The following AK5 variants were observed in gnomAD, a reference collection of about 807,000 sequenced individuals.
AK5 encodes adenylate kinase isoenzyme 5.
AK5 carries 27 observed loss-of-function variants against 69.5 expected under a neutral mutation model. The observed-to-expected ratio is 0.39, with a 90% CI of 0.29 to 0.54. AK5 has a LOEUF of 0.54. AK5 is among the 20% of genes least tolerant of loss of function. The pLI is 0.71. For synonymous variants in AK5, 260 were observed against 244.4 expected, an observed-to-expected ratio of 1.06 and a Z score of -0.60; for missense variants, 531 against 700.4, an observed-to-expected ratio of 0.76 and a Z score of 2.73.
chr1:77,382,975 A>G (rs891487253), intron 6 of AK5, among the ~76,000 whole-genome samples: 7 of 152,226 alleles, frequency 4.6e-5, no homozygotes, highest in Admixed American at 3.3e-4. Flanking sequence ...AAATACAAAG[A>G]GAACAAATGA....
At chr1:77,512,194 C>T (rs143986728) in intron 10 of AK5, among the ~76,000 whole-genome samples, 205 of 152,192 alleles carry the variant, frequency 1.3e-3, no homozygotes, top group African/African-American at 4.8e-3. Context: ...AAACTAGATA[C>T]GTATATCTTC....
At chr1:77,434,117 T>C (rs1333889988) in intron 8 of AK5, among the ~76,000 whole-genome samples, 13 of 107,534 alleles carry the variant, frequency 1.2e-4, no homozygotes, top group East Asian at 4.2e-4. Flanking sequence ...CATAAATAAA[T>C]AAATAAATAA....
chr1:77,336,080 T>TA (rs1291802128), intron 5 of AK5, among the ~76,000 whole-genome samples: 3 of 112,202 alleles, frequency 2.7e-5, no homozygotes, highest in Non-Finnish European at 3.4e-5. Flanking sequence ...TACTATCTTA[T>TA]AACCCTTTTT....
intron 10 of AK5, among the ~76,000 whole-genome samples, chr1:77,509,951 C>T (rs1011661068): frequency 6.6e-6 from 1 of 152,194 alleles, no homozygotes; most frequent in African/African-American, 2.4e-5. Context: ...TTATTTTGTC[C>T]TCACAACCAA....
At chr1:77,318,842 T>C (rs1370441221) in intron 5 of AK5, among the ~76,000 whole-genome samples, 1 of 152,188 alleles carries the variant, frequency 6.6e-6, no homozygotes, top group Non-Finnish European at 1.5e-5. Context: ...ACAATATTTA[T>C]ATGATCCTTA....
At chr1:77,550,024 C>T (rs1659744843) in intron 13 of AK5, among the ~76,000 whole-genome samples, 1 of 151,978 alleles carries the variant, frequency 6.6e-6, no homozygotes, top group Non-Finnish European at 1.5e-5. Flanking sequence ...GCAGTAGCTC[C>T]ATCACAGCTC....
At chr1:77,493,370 T>A (rs1656113542) in intron 10 of AK5, among the ~76,000 whole-genome samples, 1 of 151,952 alleles carries the variant, frequency 6.6e-6, no homozygotes, top group Admixed American at 6.6e-5. Flanking sequence ...GACTGAACTA[T>A]ACTCCCCCAC....
rs1311120356 is a variant in AK5, at chr1:77,331,489, C to G, written c.700-8888C>G. 2.6e-5 allele frequency among the ~76,000 whole-genome samples: 4 copies of G among 152,052 alleles called. No homozygotes were observed. In the East Asian group the frequency reaches 7.7e-4, roughly 29 times the overall value. On this transcript the variant is annotated intron_variant, in intron 5 of 13. Coordinates refer to ENST00000354567, the MANE Select transcript of AK5 (RefSeq NM_174858.3). Reference sequence around the variant, plus strand: ...TTATTAAGATTATCAAATGATTTTCCCCTTTATTCTATTCATTTCATAAAC... The same window carrying G: ...TTATTAAGATTATCAAATGATTTTCGCCTTTATTCTATTCATTTCATAAAC...
intron 13 of AK5, among the ~76,000 whole-genome samples, chr1:77,538,794 C>A (rs1012570333): frequency 6.6e-6 from 1 of 152,200 alleles, no homozygotes; most frequent in African/African-American, 2.4e-5. Context: ...ATTATTCCAA[C>A]CTGAATTCTA....
At chr1:77,370,529 T>G (rs1360043915) in intron 6 of AK5, among the ~76,000 whole-genome samples, 1 of 152,094 alleles carries the variant, frequency 6.6e-6, no homozygotes, top group Non-Finnish European at 1.5e-5. Context: ...GAAAGGGGTT[T>G]AAAAACTTTA....
chr1:77,364,575 G>A (rs1056518092), intron 6 of AK5, among the ~76,000 whole-genome samples: 4 of 151,882 alleles, frequency 2.6e-5, no homozygotes, highest in African/African-American at 9.7e-5. Flanking sequence ...TTTTACTTTT[G>A]TGAGATCAAC....
At chr1:77,283,420 G>A (rs1013579900) in intron 1 of AK5, 1 of 984,270 alleles carries the variant, frequency 1.0e-6, no homozygotes, top group Non-Finnish European at 1.2e-6. Context: ...TAAACTAAAG[G>A]TCATGAGGGT....
chr1:77,310,852 T>C (rs1339441240), intron 5 of AK5, among the ~76,000 whole-genome samples: 2 of 152,152 alleles, frequency 1.3e-5, no homozygotes, highest in Non-Finnish European at 2.9e-5. Context: ...CATTGTCATG[T>C]CACTCTGTTT....
chr1:77,538,338 C>CA lies in AK5; in HGVS notation c.1620+2309dup, dbSNP rs202032598. 2.5e-3 allele frequency among the ~76,000 whole-genome samples: 351 copies of CA among 139,124 alleles called. 2 individuals are homozygous for CA. Among genetic ancestry groups the CA allele is most frequent in the East Asian group, 3.8e-3 (17 of 4,440 alleles). 91.3% of individuals were successfully genotyped at this position (139,124 alleles called of 152,430 possible). A position where few individuals can be genotyped will look rare whatever the true frequency, so the allele number is the denominator to read the frequency against. ...TGGGCAACAGAGCAAGACTGTCTCT[C>CA]AAAAAAAAACAACAACAACAACAAA... On this transcript the variant is annotated intron_variant, in intron 13 of 13. Coordinates refer to ENST00000354567, the MANE Select transcript of AK5 (RefSeq NM_174858.3).
chr1:77,485,673 T>C (rs1655542545), intron 9 of AK5, among the ~76,000 whole-genome samples: 1 of 152,216 alleles, frequency 6.6e-6, no homozygotes, highest in Non-Finnish European at 1.5e-5. Context: ...AAATGTGAAA[T>C]AACACCAAAC....
chr1:77,293,662 G>A (rs1320400587), intron 2 of AK5, 131 bp from the exon 3 acceptor site: 18 of 757,540 alleles, frequency 2.4e-5, no homozygotes, highest in Non-Finnish European at 3.1e-5. Flanking sequence ...TGACCACTTA[G>A]GGAGACTTCT....
intron 8 of AK5, among the ~76,000 whole-genome samples, chr1:77,480,554 A>C (rs1468663644): frequency 6.6e-6 from 1 of 152,186 alleles, no homozygotes; most frequent in Non-Finnish European, 1.5e-5. Context: ...AGAAAGATCT[A>C]ATACAGCCTA....
intron 10 of AK5, among the ~76,000 whole-genome samples, chr1:77,514,062 T>C (rs775095475): frequency 2.4e-4 from 36 of 152,152 alleles, no homozygotes; most frequent in Non-Finnish European, 4.6e-4. Flanking sequence ...CAGATGCAAA[T>C]TGGGCGTTCA....
At chr1:77,444,210 T>C (rs1235100494) in intron 8 of AK5, among the ~76,000 whole-genome samples, 8 of 127,546 alleles carry the variant, frequency 6.3e-5, no homozygotes, top group Non-Finnish European at 1.2e-4. Flanking sequence ...TATATATATA[T>C]ATACCACTTA....
Sources: allele counts gnomAD v4.1 joint callset (sites outside exome capture counted in the v4.1 genomes callset), GRCh38; gene constraint gnomAD v4.1.1; transcripts MANE v1.5; gene names NCBI Gene and HGNC (gene_info 2026-07-23, HGNC 2026-07-21).